Variants in MBOAT1 observed in about 807,000 individuals in gnomAD.
MBOAT1 encodes the protein membrane-bound glycerophospholipid O-acyltransferase 1.
Under a neutral mutation model 64.4 loss-of-function variants are expected in MBOAT1, and 67 were observed. The observed-to-expected ratio is 1.04, with a 90% confidence interval of 0.85 to 1.27. The LOEUF is 1.27. Among genes scored for constraint, MBOAT1 ranks in the 50% most tolerant of loss-of-function variants. The pLI is 0.00. For synonymous variants in MBOAT1, 229 were observed against 218.9 expected (o/e 1.05, Z -0.41); for missense variants, 563 against 604.6 (o/e 0.93, Z 0.72).
intron 1 of MBOAT1, among the ~76,000 whole-genome samples, chr6:20,159,029 A>C (rs1761773188): frequency 6.6e-6 from 1 of 152,210 alleles, no homozygotes; most frequent in South Asian, 2.1e-4. Context: ...AAAAAACTAC[A>C]ACTAGAATTT....
At chr6:20,200,125 G>T (rs1166341006) in intron 1 of MBOAT1, among the ~76,000 whole-genome samples, 1 of 152,158 alleles carries the variant, frequency 6.6e-6, no homozygotes, top group Non-Finnish European at 1.5e-5. Context: ...AGATCTTTCT[G>T]CCAGAGTATA....
intron 1 of MBOAT1, among the ~76,000 whole-genome samples, chr6:20,197,098 C>T (rs1762976333): frequency 7.0e-6 from 1 of 143,178 alleles, no homozygotes; most frequent in Non-Finnish European, 1.5e-5. Context: ...GTATATGAAA[C>T]CTCTCCATAC....
intron 1 of MBOAT1, among the ~76,000 whole-genome samples, chr6:20,185,179 G>A (rs2328396): frequency 0.41 from 61,556 of 151,758 alleles, 14,010 homozygotes; most frequent in Admixed American, 0.57. Context: ...GAGCCCAGGG[G>A]TTTGAGGCTA....
intron 1 of MBOAT1, among the ~76,000 whole-genome samples, chr6:20,194,502 G>A (rs149085976): frequency 1.2e-4 from 19 of 152,304 alleles, no homozygotes; most frequent in African/African-American, 4.6e-4. Context: ...TTTCTCTGAT[G>A]TTTTTCTCAG....
At chr6:20,164,329 C>T (rs1445507490) in intron 1 of MBOAT1, among the ~76,000 whole-genome samples, 3 of 152,094 alleles carry the variant, frequency 2.0e-5, no homozygotes, top group East Asian at 1.9e-4. Context: ...AAGAGACTTA[C>T]AAGGTTAAGT....
rs1761481966 is a variant in MBOAT1, at chr6:20,151,183, A to G, written c.323+2T>C. Reference sequence around the variant, plus strand: ...TTGCATTGTTCATTCCCAGTATCTTACCTGTGAATATTGGATACACTAGCA... The same window carrying G: ...TTGCATTGTTCATTCCCAGTATCTTGCCTGTGAATATTGGATACACTAGCA... On this transcript the variant is annotated splice_donor_variant, in intron 3 of 12. Coordinates refer to ENST00000324607, the MANE Select transcript of MBOAT1 (RefSeq NM_001080480.3). LOFTEE classifies it high-confidence loss of function. 6 of 1,597,792 alleles carry G rather than the reference A, an allele frequency of 3.8e-6. No homozygotes were observed. The highest frequency in any genetic ancestry group is 5.1e-6 in the Non-Finnish European group (6 of 1,166,400).
At chr6:20,127,469 G>A (rs182744223) in intron 6 of MBOAT1, among the ~76,000 whole-genome samples, 1 of 152,308 alleles carries the variant, frequency 6.6e-6, no homozygotes, top group East Asian at 1.9e-4. Flanking sequence ...AGCGGCATGT[G>A]AGCAAACAAA....
intron 1 of MBOAT1, among the ~76,000 whole-genome samples, chr6:20,157,111 C>G (rs1000775448): frequency 6.6e-6 from 1 of 151,898 alleles, no homozygotes; most frequent in South Asian, 2.1e-4. Context: ...AGCAAGAACC[C>G]CATCCACCCA....
intron 12 of MBOAT1, among the ~76,000 whole-genome samples, chr6:20,109,049 G>A (rs1020013383): frequency 1.3e-5 from 2 of 152,174 alleles, no homozygotes; most frequent in African/African-American, 2.4e-5. Context: ...GACTATAAAG[G>A]TTGGTCTGTG....
At chr6:20,157,518 G>A (rs191674968) in intron 1 of MBOAT1, among the ~76,000 whole-genome samples, 65 of 152,258 alleles carry the variant, frequency 4.3e-4, no homozygotes, top group African/African-American at 1.3e-3. Context: ...ATTTGGAAAG[G>A]TAAAATTACA....
intron 9 of MBOAT1, 68 bp from the exon 10 acceptor site, chr6:20,115,420 A>G (rs1360765008): frequency 2.3e-6 from 3 of 1,310,128 alleles, no homozygotes; most frequent in Non-Finnish European, 3.3e-6. Context: ...AGTTCTCCCC[A>G]GTTTCCCTGG....
At chr6:20,174,752 T>C (rs1204165659) in intron 1 of MBOAT1, among the ~76,000 whole-genome samples, 3 of 152,216 alleles carry the variant, frequency 2.0e-5, no homozygotes, top group Non-Finnish European at 1.5e-5. Context: ...TGGTCCTTCA[T>C]AGACCAAAAC....
In MBOAT1 at chr6:20,190,207, C is replaced by A. The variant is rs527985853; in HGVS notation, c.99+21929G>T. On this transcript the variant is annotated intron_variant, in intron 1 of 12. Coordinates refer to ENST00000324607, the MANE Select transcript of MBOAT1 (RefSeq NM_001080480.3). ...ATGGAGTTCCACTATGTTGGCCAGGCTGGTCTTGATCTCCTGACCTCATGA... is the reference window on the plus strand; with the variant it reads ...ATGGAGTTCCACTATGTTGGCCAGGATGGTCTTGATCTCCTGACCTCATGA... Among the ~76,000 whole-genome samples the A allele has an allele frequency of 1.4e-4, 21 of 152,216 alleles. No individual in the cohort carries two copies. The South Asian group carries it at 3.9e-3, about 29-fold the overall frequency.
intron 8 of MBOAT1, among the ~76,000 whole-genome samples, chr6:20,120,006 C>CATGT (rs1554116218): frequency 6.6e-6 from 1 of 150,628 alleles, no homozygotes; most frequent in African/African-American, 2.4e-5. Context: ...TGTGTGTGTG[C>CATGT]GTGTGTGTGT....
At chr6:20,194,468 T>C (rs1221056760) in intron 1 of MBOAT1, among the ~76,000 whole-genome samples, 1 of 152,216 alleles carries the variant, frequency 6.6e-6, no homozygotes, top group Non-Finnish European at 1.5e-5. Flanking sequence ...TGGTCAGGTA[T>C]TTTGTAGAAA....
chr6:20,124,339 G>A (rs937080245), intron 8 of MBOAT1, 69 bp downstream of exon 8: 43 of 1,501,672 alleles, frequency 2.9e-5, no homozygotes, highest in Admixed American at 4.0e-5. Context: ...CCAAAACGTC[G>A]TTCTGGCTAA....
At chr6:20,165,401 T>A (rs1241957737) in intron 1 of MBOAT1, among the ~76,000 whole-genome samples, 1 of 152,166 alleles carries the variant, frequency 6.6e-6, no homozygotes, top group African/African-American at 2.4e-5. Context: ...AGAGGGGCTA[T>A]GAGAAACATT....
At chr6:20,207,825 C>T (rs1009689228) in intron 1 of MBOAT1, among the ~76,000 whole-genome samples, 2 of 152,324 alleles carry the variant, frequency 1.3e-5, no homozygotes, top group East Asian at 3.9e-4. Flanking sequence ...TGTTCCACGA[C>T]GGCACCATCT....
At chr6:20,186,891 G>A (rs1328500429) in intron 1 of MBOAT1, among the ~76,000 whole-genome samples, 1 of 152,134 alleles carries the variant, frequency 6.6e-6, no homozygotes, top group Non-Finnish European at 1.5e-5. Context: ...CATAAGCTGT[G>A]GGCATCTGAG....
Sources: gnomAD v4.1 joint callset for allele counts (sites outside exome capture counted in the v4.1 genomes callset) on GRCh38, gnomAD v4.1.1 for gene constraint, MANE v1.5 for transcripts, NCBI Gene and HGNC (gene_info 2026-07-23, HGNC 2026-07-21) for gene names.